Variants in NAV2 observed in about 807,000 individuals in gnomAD.
NAV2 encodes the protein helicase, APC down-regulated 1.
A neutral mutation model predicts 223.2 loss-of-function variants in NAV2; 54 were observed. The observed-to-expected ratio is 0.24, with a 90% CI of 0.19 to 0.30. NAV2 has a LOEUF of 0.30. Ranked by LOEUF, NAV2 falls within the 10% of genes least tolerant of loss-of-function variation. The probability of loss-of-function intolerance (pLI) is 1.00; values close to 1 mark genes in which losing one functional copy is unlikely to be tolerated. For synonymous variants in NAV2, 1,279 were observed against 1,239.3 expected, an observed-to-expected ratio of 1.03 and a Z score of -0.67; for missense variants, 2,806 against 3,147.5, an observed-to-expected ratio of 0.89 and a Z score of 2.60.
chr11:19,400,052 T>C (rs914069998), intron 1 of NAV2, among the ~76,000 whole-genome samples: 2 of 152,164 alleles, frequency 1.3e-5, no homozygotes, highest in Non-Finnish European at 1.5e-5. Context: ...CAGCAGTTAC[T>C]ATAAAGAGCA....
intron 1 of NAV2, among the ~76,000 whole-genome samples, chr11:19,402,261 C>T (rs781258573): frequency 1.3e-5 from 2 of 152,158 alleles, no homozygotes; most frequent in Admixed American, 1.3e-4. Flanking sequence ...TTACTAGTGG[C>T]TTGACTTTGA....
intron 1 of NAV2, among the ~76,000 whole-genome samples, chr11:19,646,313 G>C (rs1269134636): frequency 6.6e-6 from 1 of 152,222 alleles, no homozygotes; most frequent in Non-Finnish European, 1.5e-5. Flanking sequence ...CTGCAGAATG[G>C]AGCTCACTGA....
chr11:19,431,754 A>C (rs1307210796), intron 1 of NAV2, among the ~76,000 whole-genome samples: 2 of 152,268 alleles, frequency 1.3e-5, no homozygotes, highest in African/African-American at 4.8e-5. Flanking sequence ...GAGTCTATCA[A>C]GATGAAATAT....
intron 36 of NAV2, among the ~76,000 whole-genome samples, chr11:20,108,934 A>G (rs950570692): frequency 6.6e-6 from 1 of 152,228 alleles, no homozygotes; most frequent in Non-Finnish European, 1.5e-5. Context: ...TCCAGAAACC[A>G]GTTTGGTAGC....
chr11:19,735,276 A>G (rs1373800877), intron 1 of NAV2, among the ~76,000 whole-genome samples: 1 of 152,188 alleles, frequency 6.6e-6, no homozygotes, highest in Non-Finnish European at 1.5e-5. Context: ...TGAGCTTAGC[A>G]CGGGCCCCTG....
At chr11:20,022,726 C>T (rs1352667346) in intron 11 of NAV2, 1 of 1,053,022 alleles carries the variant, frequency 9.5e-7, no homozygotes, top group Non-Finnish European at 1.1e-6. Flanking sequence ...CTTAGATTTT[C>T]TTCAATTTGA....
intron 1 of NAV2, among the ~76,000 whole-genome samples, chr11:19,658,132 T>C (rs1700250298): frequency 6.6e-6 from 1 of 152,174 alleles, no homozygotes; most frequent in African/African-American, 2.4e-5. Flanking sequence ...ACTTACTTAA[T>C]TTTTCACAGC....
chr11:19,716,032 A>T (rs933943358), intron 1 of NAV2, among the ~76,000 whole-genome samples: 2 of 151,770 alleles, frequency 1.3e-5, no homozygotes, highest in African/African-American at 4.9e-5. Flanking sequence ...CTTCTCCCAC[A>T]GTCTGCCTGA....
intron 5 of NAV2, chr11:19,884,277 T>A: frequency 6.2e-7 from 1 of 1,602,754 alleles, no homozygotes; most frequent in Non-Finnish European, 8.5e-7. Flanking sequence ...TCCACTTTTT[T>A]CTTTCCTATC....
chr11:19,707,381 CTT>C (rs747388761), intron 1 of NAV2, among the ~76,000 whole-genome samples: 23 of 152,190 alleles, frequency 1.5e-4, no homozygotes, highest in South Asian at 1.0e-3. Context: ...TCTTTATAAG[CTT>C]TTTTCTATTA....
chr11:19,892,725 T>C (rs1156632890), intron 6 of NAV2, 131 bp downstream of exon 6: 4 of 964,246 alleles, frequency 4.1e-6, no homozygotes, highest in Non-Finnish European at 5.9e-6. Flanking sequence ...CAAGGACATA[T>C]TTGGTAGGCA....
chr11:19,894,307 C>T (rs1173270197), intron 6 of NAV2, among the ~76,000 whole-genome samples: 1 of 152,098 alleles, frequency 6.6e-6, no homozygotes, highest in African/African-American at 2.4e-5. Flanking sequence ...TGAAGCTTCG[C>T]CTGTTGAGGG....
chr11:20,032,475 A>T (rs1427123644), intron 11 of NAV2, among the ~76,000 whole-genome samples: 2 of 152,204 alleles, frequency 1.3e-5, no homozygotes, highest in African/African-American at 4.8e-5. Context: ...ACTTGGATTC[A>T]TGAGCATCTG....
intron 7 of NAV2, among the ~76,000 whole-genome samples, chr11:19,936,621 C>T (rs1222609472): frequency 6.6e-6 from 1 of 152,186 alleles, no homozygotes; most frequent in African/African-American, 2.4e-5. Context: ...GGATACGAAT[C>T]AGGACACCTG....
chr11:19,503,148 A>G (rs1007973999), intron 1 of NAV2: 2 of 152,186 alleles, frequency 1.3e-5, no homozygotes, highest in African/African-American at 4.8e-5. Flanking sequence ...ACCTCTTTTT[A>G]GAGCAATTTT....
chr11:19,759,614 G>T (rs1353693455), intron 1 of NAV2, among the ~76,000 whole-genome samples: 3 of 152,180 alleles, frequency 2.0e-5, no homozygotes, highest in Admixed American at 6.5e-5. Flanking sequence ...GGCCTCTGGT[G>T]CTGGGTACTC....
In NAV2 at chr11:20,051,331, C is replaced by G; in HGVS notation, c.4479C>G (p.Leu1493=). The change falls in exon 17 of 38, where the codon CTC becomes CTG. Residue 1493 remains leucine, a splice_region_variant and synonymous_variant. Coordinates refer to ENST00000349880, the MANE Select transcript of NAV2 (RefSeq NM_145117.5). ...LDRNTLPKKG[L]RYTPTSQLRT... Reference sequence around the variant, plus strand: ...GGAACACTTTGCCTAAGAAAGGACTCAGGTATCTGTGTTTCCTCCTTGCAT... The same window carrying G: ...GGAACACTTTGCCTAAGAAAGGACTGAGGTATCTGTGTTTCCTCCTTGCAT... 1 of 1,614,030 alleles carries G rather than the reference C, an allele frequency of 6.2e-7. No homozygotes were observed. The highest frequency in any genetic ancestry group is 8.5e-7 in the Non-Finnish European group (1 of 1,179,888).
chr11:19,584,803 G>T (rs2045840516), intron 1 of NAV2, among the ~76,000 whole-genome samples: 1 of 152,158 alleles, frequency 6.6e-6, no homozygotes, highest in Non-Finnish European at 1.5e-5. Flanking sequence ...TTCCAACTAT[G>T]TGGTCAATTT....
At chr11:19,589,694 C>G (rs1422270798) in intron 1 of NAV2, among the ~76,000 whole-genome samples, 2 of 152,172 alleles carry the variant, frequency 1.3e-5, no homozygotes, top group South Asian at 4.1e-4. Context: ...CAAGAGAGAG[C>G]CACAGCCCCT....
Sources: gnomAD v4.1 joint callset for allele counts (sites outside exome capture counted in the v4.1 genomes callset) on GRCh38, gnomAD v4.1.1 for gene constraint, MANE v1.5 for transcripts, NCBI Gene and HGNC (gene_info 2026-07-23, HGNC 2026-07-21) for gene names.